SOX5: variants seen among roughly 807,000 people sequenced by gnomAD.
The protein encoded by SOX5 is SRY-box transcription factor 5, also known as transcription factor SOX-5.
Under a neutral mutation model 92.0 loss-of-function variants are expected in SOX5, and 9 were observed. The ratio of observed to expected loss-of-function variants is 0.10; its 90% CI spans 0.06 to 0.17. The LOEUF is 0.17. Ranked by LOEUF, SOX5 falls within the 10% of genes least tolerant of loss-of-function variation. The pLI, the probability that SOX5 is intolerant of heterozygous loss-of-function variation, is 1.00. For missense variants in SOX5, 642 were observed against 944.5 expected (o/e 0.68, Z 4.20); for synonymous variants, 344 against 336.3 (o/e 1.02, Z -0.25).
chr12:23,833,075 C>G (rs1002746772), intron 3 of SOX5, among the ~76,000 whole-genome samples: 3 of 151,886 alleles, frequency 2.0e-5, no homozygotes, highest in Non-Finnish European at 2.9e-5. Context: ...TGGATTATCT[C>G]CCCAAAAATG....
chr12:24,004,486 A>G (rs1382756587), intron 4 of SOX5, among the ~76,000 whole-genome samples: 2 of 152,134 alleles, frequency 1.3e-5, no homozygotes, highest in Non-Finnish European at 2.9e-5. Flanking sequence ...AAGAAGATGC[A>G]CAAGGAATAG....
intron 4 of SOX5, among the ~76,000 whole-genome samples, chr12:24,045,472 A>AT (rs1297951978): frequency 1.3e-5 from 2 of 151,914 alleles, no homozygotes; most frequent in African/African-American, 2.4e-5. Flanking sequence ...TAATTTTTAA[A>AT]TTTTTTTGTA....
At chr12:24,552,738 G>A (rs1006051911) in intron 1 of SOX5, among the ~76,000 whole-genome samples, 8 of 152,194 alleles carry the variant, frequency 5.3e-5, no homozygotes, top group Non-Finnish European at 1.2e-4. Context: ...AGTGGCTCAC[G>A]CCTGTAATCC....
At chr12:24,088,655 C>G (rs1944293712) in intron 4 of SOX5, among the ~76,000 whole-genome samples, 1 of 151,794 alleles carries the variant, frequency 6.6e-6, no homozygotes, top group Non-Finnish European at 1.5e-5. Flanking sequence ...CCTTTAATCA[C>G]TACCATTTCC....
intron 1 of SOX5, among the ~76,000 whole-genome samples, chr12:24,505,369 G>A (rs1014640542): frequency 6.6e-6 from 1 of 152,120 alleles, no homozygotes; most frequent in Non-Finnish European, 1.5e-5. Flanking sequence ...TGTAAGAGAA[G>A]AGATGTGATG....
chr12:24,052,380 C>T (rs1236305182), intron 4 of SOX5, among the ~76,000 whole-genome samples: 1 of 151,944 alleles, frequency 6.6e-6, no homozygotes. Context: ...GCCTATATTA[C>T]CTTTAAAATA....
chr12:23,554,227 C>T (rs1414971560), intron 11 of SOX5, among the ~76,000 whole-genome samples: 1 of 151,948 alleles, frequency 6.6e-6, no homozygotes, highest in Non-Finnish European at 1.5e-5. Flanking sequence ...GGTTCTTTCT[C>T]CAGTGATGGG....
chr12:23,920,799 A>G (rs548266006), intron 1 of SOX5, among the ~76,000 whole-genome samples: 106 of 152,312 alleles, frequency 7.0e-4, no homozygotes, highest in African/African-American at 2.4e-3. Flanking sequence ...AGCAGTTTGT[A>G]TAATATATGT....
At chr12:24,051,563 A>AT (rs1238349311) in intron 4 of SOX5, among the ~76,000 whole-genome samples, 3 of 152,174 alleles carry the variant, frequency 2.0e-5, no homozygotes, top group Non-Finnish European at 2.9e-5. Flanking sequence ...TGTTTAAGTA[A>AT]TTTTTTACAT....
chr12:23,665,672 G>T, intron 6 of SOX5, 108 bp from the exon 7 acceptor site: 1 of 1,295,826 alleles, frequency 7.7e-7, no homozygotes. Context: ...CAATTCAAAA[G>T]ACTGGCATAG....
chr12:24,139,632 T>A (rs1330861473), intron 4 of SOX5, among the ~76,000 whole-genome samples: 1 of 152,258 alleles, frequency 6.6e-6, no homozygotes, highest in Non-Finnish European at 1.5e-5. Flanking sequence ...TCAATCTTGC[T>A]GTTTTGAACA....
chr12:23,674,354 T>TTTTTTTTTTA (rs2085306599), intron 6 of SOX5, among the ~76,000 whole-genome samples: 5 of 147,788 alleles, frequency 3.4e-5, no homozygotes, highest in Non-Finnish European at 6.0e-5. Flanking sequence ...TTTTTTTTTT[T>TTTTTTTTTTA]GAGACGGAGT....
chr12:23,728,245 C>T (rs773005334), intron 6 of SOX5, among the ~76,000 whole-genome samples: 52 of 152,142 alleles, frequency 3.4e-4, no homozygotes, highest in Non-Finnish European at 2.2e-4. Context: ...GAAATTGTAT[C>T]CTGTCCAGTT....
chr12:24,549,011 C>T (rs773282416), intron 1 of SOX5, among the ~76,000 whole-genome samples: 3 of 152,154 alleles, frequency 2.0e-5, no homozygotes, highest in Admixed American at 1.3e-4. Context: ...TTCAGCCATG[C>T]TGCCCTTCTA....
intron 4 of SOX5, among the ~76,000 whole-genome samples, chr12:24,151,442 T>G (rs532795297): frequency 6.6e-6 from 1 of 152,140 alleles, no homozygotes; most frequent in Admixed American, 6.6e-5. Flanking sequence ...TTGGGTGTTA[T>G]TGGTAACATC....
chr12:24,456,853 T>C (rs924785750), intron 1 of SOX5, among the ~76,000 whole-genome samples: 2 of 152,216 alleles, frequency 1.3e-5, no homozygotes, highest in Non-Finnish European at 2.9e-5. Flanking sequence ...AATGCTACAC[T>C]TTCCAGAGTG....
rs190975776 is a variant in SOX5, at chr12:23,876,337, A to C, written c.270+19456T>G. ...TGAAGGATATGAACAGACACTTCTC[A>C]AAAGAAGATATTTATGCAGGCAATA... On this transcript the variant is annotated intron_variant, in intron 2 of 14. Coordinates refer to ENST00000451604, the MANE Select transcript of SOX5 (RefSeq NM_006940.6). Among the ~76,000 whole-genome samples the C allele has an allele frequency of 2.2e-4, 34 of 152,318 alleles. No individual in the cohort carries two copies. In the East Asian group the frequency reaches 6.6e-3, roughly 29 times the overall value.
chr12:23,813,563 TA>T (rs1390512525), intron 3 of SOX5, among the ~76,000 whole-genome samples: 1 of 152,204 alleles, frequency 6.6e-6, no homozygotes, highest in Admixed American at 6.5e-5. Context: ...TGTGCTTTAA[TA>T]AAAGTATATG....
chr12:24,343,961 A>G (rs923118071), intron 2 of SOX5, among the ~76,000 whole-genome samples: 2 of 152,148 alleles, frequency 1.3e-5, no homozygotes, highest in Non-Finnish European at 2.9e-5. Flanking sequence ...TAGGGACTTG[A>G]GAATAAGTTT....
Sources: allele counts gnomAD v4.1 joint callset (sites outside exome capture counted in the v4.1 genomes callset), GRCh38; gene constraint gnomAD v4.1.1; transcripts MANE v1.5; gene names NCBI Gene and HGNC (gene_info 2026-07-23, HGNC 2026-07-21).